The following PDCD1LG2 variants were observed in gnomAD, a reference collection of about 807,000 sequenced individuals.
The protein encoded by PDCD1LG2 is programmed cell death 1 ligand 2.
Under a neutral mutation model 28.2 loss-of-function variants are expected in PDCD1LG2, and 32 were observed. The observed-to-expected ratio is 1.13, with a 90% confidence interval of 0.86 to 1.52. The LOEUF is 1.52. PDCD1LG2 is among the 40% of genes most tolerant of loss of function. The pLI, the probability that PDCD1LG2 is intolerant of heterozygous loss-of-function variation, is 0.00. For missense variants in PDCD1LG2, 385 were observed against 323.8 expected (o/e 1.19, Z -1.45); for synonymous variants, 116 against 120.2 (o/e 0.97, Z 0.23).
chr9:5,549,358 C>T lies in PDCD1LG2; in HGVS notation c.385C>T (p.His129Tyr), dbSNP rs199626246. Residue 129 changes from histidine (H) to tyrosine (Y), a missense_variant, in exon 4 of 7, where the codon CAC becomes TAC. Coordinates refer to ENST00000397747, the MANE Select transcript of PDCD1LG2 (RefSeq NM_025239.4). ...VKASYRKINT[H>Y]ILKVPETDEV... ...AGCTTCCTACAGGAAAATAAACACTCACATCCTAAAGGTTCCAGAAACAGA... is the reference window on the plus strand; with the variant it reads ...AGCTTCCTACAGGAAAATAAACACTTACATCCTAAAGGTTCCAGAAACAGA... 3 of 1,613,288 alleles carry T rather than the reference C, an allele frequency of 1.9e-6. No individual in the cohort carries two copies. The highest frequency in any genetic ancestry group is 1.7e-6 in the Non-Finnish European group (2 of 1,179,276).
At chr9:5,556,762 T>C (rs551959032) in intron 4 of PDCD1LG2, among the ~76,000 whole-genome samples, 1 of 152,304 alleles carries the variant, frequency 6.6e-6, no homozygotes, top group African/African-American at 2.4e-5. Context: ...ATTCAAGCTT[T>C]TGAATAGGGC....
At chr9:5,563,455 C>G (rs1444310095) in intron 6 of PDCD1LG2, among the ~76,000 whole-genome samples, 1 of 152,146 alleles carries the variant, frequency 6.6e-6, no homozygotes. Flanking sequence ...TCTGGTCTCA[C>G]ATAGTTAGAA....
At chr9:5,526,989 T>G (rs988868618) in intron 2 of PDCD1LG2, among the ~76,000 whole-genome samples, 2 of 152,306 alleles carry the variant, frequency 1.3e-5, no homozygotes, top group East Asian at 3.9e-4. Flanking sequence ...AAGACTGTGA[T>G]GAAAGTTGCC....
intron 1 of PDCD1LG2, among the ~76,000 whole-genome samples, chr9:5,514,155 T>C (rs1386098032): frequency 6.6e-6 from 1 of 152,242 alleles, no homozygotes; most frequent in Non-Finnish European, 1.5e-5. Flanking sequence ...ATTCTTGAGA[T>C]ACTTCCATAG....
At chr9:5,517,191 A>T (rs1045342219) in intron 1 of PDCD1LG2, among the ~76,000 whole-genome samples, 1 of 152,250 alleles carries the variant, frequency 6.6e-6, no homozygotes, top group African/African-American at 2.4e-5. Context: ...ATGCTGGGGT[A>T]GGGTTGGAGT....
chr9:5,553,494 T>G (rs1342904681), intron 4 of PDCD1LG2, among the ~76,000 whole-genome samples: 2 of 152,170 alleles, frequency 1.3e-5, no homozygotes, highest in Admixed American at 1.3e-4. Context: ...TATAAGAACC[T>G]CTCCAGGGAA....
At chr9:5,531,602 G>C (rs976142160) in intron 2 of PDCD1LG2, among the ~76,000 whole-genome samples, 1 of 152,166 alleles carries the variant, frequency 6.6e-6, no homozygotes, top group African/African-American at 2.4e-5. Flanking sequence ...TTTTATCAAA[G>C]GCCCAGGCAG....
intron 5 of PDCD1LG2, among the ~76,000 whole-genome samples, chr9:5,560,866 T>C (rs1380092374): frequency 1.3e-5 from 2 of 152,184 alleles, no homozygotes; most frequent in African/African-American, 4.8e-5. Context: ...AAGGTCCTGC[T>C]TACCATTTTC....
intron 1 of PDCD1LG2, among the ~76,000 whole-genome samples, chr9:5,521,454 A>T (rs564425845): frequency 5.9e-5 from 9 of 152,290 alleles, no homozygotes; most frequent in African/African-American, 1.7e-4. Context: ...TTAAAATAAA[A>T]TTTTAAAACA....
At chr9:5,547,393 T>G (rs966816961) in intron 3 of PDCD1LG2, among the ~76,000 whole-genome samples, 1 of 152,182 alleles carries the variant, frequency 6.6e-6, no homozygotes. Flanking sequence ...TATCAACAGG[T>G]GACTTTCCAC....
intron 1 of PDCD1LG2, among the ~76,000 whole-genome samples, chr9:5,511,637 G>T (rs940413946): frequency 2.6e-5 from 4 of 152,174 alleles, no homozygotes; most frequent in African/African-American, 7.2e-5. Flanking sequence ...TTGTATCAGG[G>T]TCAAATACGG....
intron 4 of PDCD1LG2, among the ~76,000 whole-genome samples, chr9:5,555,426 A>T (rs868706393): frequency 7.2e-5 from 11 of 152,314 alleles, no homozygotes; most frequent in Admixed American, 2.0e-4. Context: ...TCAAATAAAT[A>T]AATTAATTAA....
At chr9:5,560,711 G>A (rs1027509318) in intron 5 of PDCD1LG2, among the ~76,000 whole-genome samples, 2 of 149,034 alleles carry the variant, frequency 1.3e-5, no homozygotes, top group South Asian at 4.1e-4. Context: ...TTAGTCCATT[G>A]CAAAGTTAAG....
chr9:5,549,285 A>G (rs747548648), intron 3 of PDCD1LG2, 50 bp from the exon 4 acceptor site: 58 of 1,538,824 alleles, frequency 3.8e-5, no homozygotes, highest in Non-Finnish European at 5.0e-5. Context: ...ACCAAGCTCT[A>G]TAGGAATCAG....
intron 2 of PDCD1LG2, among the ~76,000 whole-genome samples, chr9:5,524,602 A>C (rs934580355): frequency 6.6e-6 from 1 of 152,140 alleles, no homozygotes; most frequent in African/African-American, 2.4e-5. Context: ...CTCTTTAATT[A>C]AAGAGTTTTG....
At chr9:5,546,680 A>G (rs548853421) in intron 3 of PDCD1LG2, among the ~76,000 whole-genome samples, 1 of 152,368 alleles carries the variant, frequency 6.6e-6, no homozygotes, top group African/African-American at 2.4e-5. Context: ...TTACACAGAG[A>G]CACATCCTCT....
At position 5,570,779 on chromosome 9, in the gene PDCD1LG2, T is replaced by G. The variant is rs1816755409; in HGVS notation, c.*820T>G. 1 of 232,492 alleles carries G rather than the reference T, an allele frequency of 4.3e-6. No individual in the cohort carries two copies. The highest frequency in any genetic ancestry group is 8.5e-6 in the Non-Finnish European group (1 of 117,686). The allele number at this position is 232,492 out of a possible 1,614,324, so 14.4% of individuals were successfully genotyped here. ...TGTATCTGCAGCAATTTCAGATAAGTAGCTAAAATGGCCAAAGCCCCAAAC... is the reference window on the plus strand; with the variant it reads ...TGTATCTGCAGCAATTTCAGATAAGGAGCTAAAATGGCCAAAGCCCCAAAC... On this transcript the variant is annotated 3_prime_UTR_variant, in exon 7 of 7. Coordinates refer to ENST00000397747, the MANE Select transcript of PDCD1LG2 (RefSeq NM_025239.4).
chr9:5,548,250 T>C (rs1349320133), intron 3 of PDCD1LG2, among the ~76,000 whole-genome samples: 3 of 152,218 alleles, frequency 2.0e-5, no homozygotes, highest in Non-Finnish European at 4.4e-5. Flanking sequence ...AGATCATACA[T>C]TATCTGTCTT....
intron 2 of PDCD1LG2, among the ~76,000 whole-genome samples, chr9:5,528,287 T>TAC (rs926364187): frequency 4.8e-4 from 71 of 147,382 alleles, no homozygotes; most frequent in African/African-American, 1.2e-3. Context: ...TATATATATA[T>TAC]ACACACACAC....
Sources: allele counts gnomAD v4.1 joint callset (sites outside exome capture counted in the v4.1 genomes callset), GRCh38; gene constraint gnomAD v4.1.1; transcripts MANE v1.5; gene names NCBI Gene and HGNC (gene_info 2026-07-23, HGNC 2026-07-21).